SLC8A1: variants seen among roughly 807,000 people sequenced by gnomAD.
SLC8A1 encodes the protein sodium/calcium exchanger 1.
Under a neutral mutation model 68.3 loss-of-function variants are expected in SLC8A1, and 18 were observed. The ratio of observed to expected loss-of-function variants is 0.26; its 90% CI spans 0.18 to 0.39. The LOEUF is 0.39. SLC8A1 is among the 10% of genes least tolerant of loss of function. SLC8A1 has a pLI of 1.00. For synonymous variants in SLC8A1, 475 were observed against 415.5 expected, an observed-to-expected ratio of 1.14 and a Z score of -1.74; for missense variants, 985 against 1,156.7, an observed-to-expected ratio of 0.85 and a Z score of 2.15.
intron 2 of SLC8A1, among the ~76,000 whole-genome samples, chr2:40,340,028 G>T (rs1451496982): frequency 6.6e-6 from 1 of 152,144 alleles, no homozygotes; most frequent in Non-Finnish European, 1.5e-5. Flanking sequence ...GTAGTCATAT[G>T]AGGCAGAATA....
intron 2 of SLC8A1, among the ~76,000 whole-genome samples, chr2:40,303,445 C>T (rs754370142): frequency 3.9e-5 from 6 of 152,136 alleles, no homozygotes; most frequent in East Asian, 1.9e-4. Flanking sequence ...ATGCACTACC[C>T]GGGCACAACA....
At chr2:40,357,638 T>C (rs543312452) in intron 2 of SLC8A1, among the ~76,000 whole-genome samples, 1 of 152,130 alleles carries the variant, frequency 6.6e-6, no homozygotes, top group African/African-American at 2.4e-5. Context: ...GTAACAAACC[T>C]ATGTAACAAA....
intron 2 of SLC8A1, among the ~76,000 whole-genome samples, chr2:40,385,331 T>C (rs1286465976): frequency 6.8e-6 from 1 of 146,512 alleles, no homozygotes; most frequent in Non-Finnish European, 1.5e-5. Context: ...TCTCCTTCAG[T>C]GATCAGCCAC....
At chr2:40,475,732 T>TA (rs1370573291) in intron 1 of SLC8A1, among the ~76,000 whole-genome samples, 1 of 151,928 alleles carries the variant, frequency 6.6e-6, no homozygotes, top group African/African-American at 2.4e-5. Flanking sequence ...AAAATAAAGC[T>TA]CTTTAGTTGC....
At chr2:40,229,102 C>T (rs989001819) in intron 2 of SLC8A1, among the ~76,000 whole-genome samples, 1 of 151,990 alleles carries the variant, frequency 6.6e-6, no homozygotes, top group Non-Finnish European at 1.5e-5. Context: ...AACCATAAAG[C>T]TGAAATGATT....
chr2:40,306,114 T>C (rs573583836), intron 2 of SLC8A1, among the ~76,000 whole-genome samples: 2 of 152,314 alleles, frequency 1.3e-5, no homozygotes, highest in South Asian at 2.1e-4. Flanking sequence ...CATCTCACCA[T>C]GCATACATAG....
intron 2 of SLC8A1, among the ~76,000 whole-genome samples, chr2:40,180,059 A>G (rs2049181793): frequency 6.6e-6 from 1 of 152,134 alleles, no homozygotes; most frequent in Admixed American, 6.6e-5. Context: ...CTGTCCTCAA[A>G]TACTGAAATA....
intron 2 of SLC8A1, among the ~76,000 whole-genome samples, chr2:40,389,727 G>A (rs2149592062): frequency 6.6e-6 from 1 of 151,410 alleles, no homozygotes; most frequent in Non-Finnish European, 1.5e-5. Flanking sequence ...CTAGGTGTGG[G>A]GAAGCAAAAG....
At chr2:40,349,365 G>T (rs1408738225) in intron 2 of SLC8A1, among the ~76,000 whole-genome samples, 1 of 152,112 alleles carries the variant, frequency 6.6e-6, no homozygotes, top group Non-Finnish European at 1.5e-5. Flanking sequence ...GCAAGGAAAA[G>T]GAATGATTTA....
Position 40,240,244 on chromosome 2 carries a change from C to G in SLC8A1, c.1809-62389G>C, listed in dbSNP as rs192596355. ...TTATGTAACTGTTGTTAAGGGCTGACGACATGGCAGGCTCTGTGCCAAGTC... is the reference window on the plus strand; with the variant it reads ...TTATGTAACTGTTGTTAAGGGCTGAGGACATGGCAGGCTCTGTGCCAAGTC... On this transcript the variant is annotated intron_variant, in intron 2 of 7. Coordinates refer to ENST00000406785, the Ensembl canonical transcript of SLC8A1. Among the ~76,000 whole-genome samples, 3 of 152,186 alleles carry G rather than the reference C, an allele frequency of 2.0e-5. 1 individual carries two copies. Among genetic ancestry groups the G allele is most frequent in the Admixed American group, 2.0e-4 (3 of 15,278 alleles).
At chr2:40,392,341 C>G (rs750115600) in intron 2 of SLC8A1, among the ~76,000 whole-genome samples, 33 of 152,060 alleles carry the variant, frequency 2.2e-4, no homozygotes, top group Admixed American at 4.6e-4. Flanking sequence ...ATCTTATCTA[C>G]CCGTTCCCAC....
chr2:40,192,616 C>G (rs11887643), intron 2 of SLC8A1, among the ~76,000 whole-genome samples: 17,711 of 151,976 alleles, frequency 0.12, 1,122 homozygotes, highest in Non-Finnish European at 0.13. Context: ...AAATCCTATT[C>G]AATAAAATAT....
At chr2:40,270,979 T>C (rs1467187226) in intron 2 of SLC8A1, among the ~76,000 whole-genome samples, 1 of 152,184 alleles carries the variant, frequency 6.6e-6, no homozygotes, top group Non-Finnish European at 1.5e-5. Flanking sequence ...CATCCTGGCC[T>C]ATGCCCTCTC....
At chr2:40,120,263 C>T (rs922659176) in intron 7 of SLC8A1, among the ~76,000 whole-genome samples, 8 of 152,192 alleles carry the variant, frequency 5.3e-5, no homozygotes, top group African/African-American at 1.4e-4. Flanking sequence ...CAGGAACTGA[C>T]ACTGGCAGTG....
exon 8 of SLC8A1, chr2:40,097,666 A>G (rs2033652937): frequency 6.6e-6 from 1 of 152,044 alleles, no homozygotes; most frequent in Admixed American, 6.6e-5. Flanking sequence ...CATTGAAATG[A>G]TAGTATGGTT....
intron 2 of SLC8A1, among the ~76,000 whole-genome samples, chr2:40,397,443 G>C (rs1687345584): frequency 6.6e-6 from 1 of 152,180 alleles, no homozygotes; most frequent in East Asian, 1.9e-4. Flanking sequence ...GTGAGGACTA[G>C]GGAAGAGGAA....
In SLC8A1 at chr2:40,179,401, A is replaced by G. The variant is rs914052625; in HGVS notation, c.1809-1546T>C. On this transcript the variant is annotated intron_variant, in intron 2 of 7. Transcript: ENST00000406785. ...GGCGCTATGGCTATGAGTGACTGAC[A>G]GGCAGGTAGGACAAATGCAAATATT... 3.3e-5 allele frequency among the ~76,000 whole-genome samples: 5 copies of G among 152,244 alleles called. No individual in the cohort carries two copies. In the South Asian group the frequency reaches 1.0e-3, roughly 31 times the overall value.
chr2:40,369,753 T>C lies in SLC8A1; in HGVS notation c.1808+58720A>G, dbSNP rs369610524. ...GTAAATGTCTTTCCAGTTAAATTGT[T>C]GAGCCATTGGCCAGAGCCAATTGAG... On this transcript the variant is annotated intron_variant, in intron 2 of 7. Transcript: ENST00000406785. 4.7e-4 allele frequency among the ~76,000 whole-genome samples: 72 copies of C among 152,184 alleles called. No individual in the cohort carries two copies. The South Asian group carries it at 0.015, about 31-fold the overall frequency.
chr2:40,194,335 CAGG>C (rs1314211703), intron 2 of SLC8A1, among the ~76,000 whole-genome samples: 4 of 151,812 alleles, frequency 2.6e-5, no homozygotes, highest in Admixed American at 2.6e-4. Context: ...ACAGTATTTG[CAGG>C]AGAACTGGTG....
Sources: allele counts gnomAD v4.1 joint callset (sites outside exome capture counted in the v4.1 genomes callset), GRCh38; gene constraint gnomAD v4.1.1; transcripts MANE v1.5; gene names NCBI Gene and HGNC (gene_info 2026-07-23, HGNC 2026-07-21).